DCC: variants seen among roughly 807,000 people sequenced by gnomAD.
The protein encoded by DCC is netrin receptor DCC.
In DCC, 58 loss-of-function variants were observed where a neutral mutation model predicts 172.5. That is an observed-to-expected ratio of 0.34 (90% CI 0.27 to 0.42). DCC has a LOEUF of 0.42. Among genes scored for constraint, DCC ranks in the 10% least tolerant of loss-of-function variants. The pLI is 1.00. For missense variants in DCC, 1,740 were observed against 1,791.0 expected, an observed-to-expected ratio of 0.97 and a Z score of 0.51; for synonymous variants, 709 against 644.5, an observed-to-expected ratio of 1.10 and a Z score of -1.52.
intron 21 of DCC, among the ~76,000 whole-genome samples, chr18:53,431,746 A>G (rs145657054): frequency 0.031 from 4,676 of 152,168 alleles, 276 homozygotes; most frequent in African/African-American, 0.11. Context: ...GGCCTCCCAA[A>G]GTTCTGGGAT....
intron 1 of DCC, among the ~76,000 whole-genome samples, chr18:52,405,166 G>A: frequency 6.7e-6 from 1 of 149,910 alleles, no homozygotes; most frequent in Non-Finnish European, 1.5e-5. Flanking sequence ...ATAGTCCTTT[G>A]GGTATATACC....
chr18:52,512,338 G>T (rs1010316660), intron 1 of DCC, among the ~76,000 whole-genome samples: 2 of 151,990 alleles, frequency 1.3e-5, no homozygotes, highest in African/African-American at 4.8e-5. Flanking sequence ...TAACAAATTT[G>T]GCCATTACTT....
intron 1 of DCC, among the ~76,000 whole-genome samples, chr18:52,414,680 G>A (rs997671690): frequency 1.4e-4 from 22 of 152,174 alleles, no homozygotes; most frequent in Non-Finnish European, 2.9e-4. Flanking sequence ...ATGCAAGGTG[G>A]AGAATATTTG....
chr18:53,216,450 C>T (rs1205858744), intron 12 of DCC, among the ~76,000 whole-genome samples: 1 of 152,182 alleles, frequency 6.6e-6, no homozygotes, highest in Non-Finnish European at 1.5e-5. Flanking sequence ...ATCTAGCTTT[C>T]TCTTTTCATA....
intron 1 of DCC, among the ~76,000 whole-genome samples, chr18:52,570,686 G>A (rs1174607825): frequency 6.6e-6 from 1 of 152,278 alleles, no homozygotes; most frequent in East Asian, 1.9e-4. Context: ...CTAAGCAGCA[G>A]TTTGGTCTCA....
intron 3 of DCC, among the ~76,000 whole-genome samples, chr18:52,920,568 A>G (rs1334521514): frequency 6.6e-6 from 1 of 152,252 alleles, no homozygotes; most frequent in Non-Finnish European, 1.5e-5. Context: ...AGGATGTAGA[A>G]CTTTTTTTGC....
At chr18:52,901,497 T>G (rs1174791851) in intron 2 of DCC, among the ~76,000 whole-genome samples, 5 of 152,130 alleles carry the variant, frequency 3.3e-5, no homozygotes, top group Admixed American at 2.6e-4. Flanking sequence ...AAGAGTTTGG[T>G]ACCAGTTCCA....
At chr18:52,728,280 A>C (rs1280619838) in intron 1 of DCC, among the ~76,000 whole-genome samples, 2 of 152,096 alleles carry the variant, frequency 1.3e-5, no homozygotes, top group African/African-American at 4.8e-5. Flanking sequence ...TACTGTTATA[A>C]ATTATTCATT....
chr18:53,372,709 T>A (rs555668304), intron 15 of DCC, among the ~76,000 whole-genome samples: 1 of 152,138 alleles, frequency 6.6e-6, no homozygotes, highest in Admixed American at 6.5e-5. Flanking sequence ...AGTTAAAAAA[T>A]TTTTCAAGAA....
chr18:52,574,742 T>G (rs1404777216), intron 1 of DCC, among the ~76,000 whole-genome samples: 1 of 152,178 alleles, frequency 6.6e-6, no homozygotes, highest in Non-Finnish European at 1.5e-5. Context: ...TTGGTTATAG[T>G]CCACTGTTGA....
At chr18:53,374,392 T>C (rs2058088853) in intron 15 of DCC, among the ~76,000 whole-genome samples, 2 of 152,072 alleles carry the variant, frequency 1.3e-5, no homozygotes, top group Non-Finnish European at 2.9e-5. Flanking sequence ...ATAGATGACA[T>C]CCAAGATTTT....
intron 2 of DCC, among the ~76,000 whole-genome samples, chr18:52,838,212 A>C (rs2038745505): frequency 6.6e-6 from 1 of 152,196 alleles, no homozygotes; most frequent in African/African-American, 2.4e-5. Context: ...TAAACTTTAT[A>C]AAATTTTTAT....
intron 15 of DCC, among the ~76,000 whole-genome samples, chr18:53,369,919 C>CT (rs1736928971): frequency 1.3e-5 from 2 of 151,834 alleles, no homozygotes; most frequent in African/African-American, 4.8e-5. Flanking sequence ...CTGTAGCTCT[C>CT]TTTTTTTATA....
intron 1 of DCC, among the ~76,000 whole-genome samples, chr18:52,680,123 G>A (rs2035719846): frequency 2.0e-5 from 3 of 152,246 alleles, no homozygotes; most frequent in South Asian, 2.1e-4. Flanking sequence ...GGTGCCCATT[G>A]GGTTCTTGGG....
chr18:53,416,182 G>C (rs751513513), intron 21 of DCC, 26 bp downstream of exon 21: 2 of 1,572,206 alleles, frequency 1.3e-6, no homozygotes, highest in East Asian at 2.2e-5. Context: ...CTGTCATTTT[G>C]TGTTCCTTGA....
At chr18:52,551,429 A>G (rs989483569) in intron 1 of DCC, among the ~76,000 whole-genome samples, 1 of 152,066 alleles carries the variant, frequency 6.6e-6, no homozygotes, top group African/African-American at 2.4e-5. Context: ...GTGACGCTCT[A>G]CCATAGCTTG....
chr18:52,472,137 T>G (rs1323688730), intron 1 of DCC, among the ~76,000 whole-genome samples: 1 of 152,196 alleles, frequency 6.6e-6, no homozygotes, highest in African/African-American at 2.4e-5. Context: ...AAGAATGGAT[T>G]TTGAGCAAGG....
At chr18:53,353,078 G>A (rs1324020129) in intron 15 of DCC, among the ~76,000 whole-genome samples, 1 of 152,046 alleles carries the variant, frequency 6.6e-6, no homozygotes, top group Non-Finnish European at 1.5e-5. Context: ...GTGAGTTCGA[G>A]ACTGGCCTGA....
chr18:53,147,151 T>C (rs138967489), intron 7 of DCC, among the ~76,000 whole-genome samples: 2 of 152,326 alleles, frequency 1.3e-5, no homozygotes, highest in Non-Finnish European at 2.9e-5. Flanking sequence ...TCAATATGCC[T>C]CTTCTATGGT....
Sources: allele counts gnomAD v4.1 joint callset (sites outside exome capture counted in the v4.1 genomes callset), GRCh38; gene constraint gnomAD v4.1.1; transcripts MANE v1.5; gene names NCBI Gene and HGNC (gene_info 2026-07-23, HGNC 2026-07-21).